ZNF385B: variants seen among roughly 807,000 people sequenced by gnomAD.
ZNF385B encodes zinc finger protein 533.
A neutral mutation model predicts 39.2 loss-of-function variants in ZNF385B; 23 were observed. The observed-to-expected ratio is 0.59, with a 90% confidence interval of 0.42 to 0.83. ZNF385B has a LOEUF of 0.83. Among genes scored for constraint, ZNF385B ranks in the 40% least tolerant of loss-of-function variants. ZNF385B has a pLI of 0.00. For missense variants in ZNF385B, 552 were observed against 598.9 expected (o/e 0.92, Z 0.82); for synonymous variants, 205 against 222.6 (o/e 0.92, Z 0.70).
chr2:179,801,641 T>C (rs1314975021), intron 1 of ZNF385B, among the ~76,000 whole-genome samples: 3 of 152,166 alleles, frequency 2.0e-5, no homozygotes, highest in Non-Finnish European at 4.4e-5. Context: ...CTCTAGGGCT[T>C]ATCACGGCCC....
At chr2:179,745,918 C>T (rs757983322) in intron 3 of ZNF385B, 4 of 1,244,978 alleles carry the variant, frequency 3.2e-6, no homozygotes, top group Non-Finnish European at 4.0e-6. Flanking sequence ...TATTGCACTG[C>T]TCATTGAAAA....
chr2:179,459,943 A>C (rs1030060085), intron 6 of ZNF385B, among the ~76,000 whole-genome samples: 1 of 151,830 alleles, frequency 6.6e-6, no homozygotes, highest in African/African-American at 2.4e-5. Context: ...GTCTCTACTA[A>C]AAATACAAAA....
chr2:179,612,488 G>A (rs910389775), intron 3 of ZNF385B, among the ~76,000 whole-genome samples: 1 of 151,986 alleles, frequency 6.6e-6, no homozygotes, highest in Non-Finnish European at 1.5e-5. Context: ...GACTTGTAGG[G>A]GCACTGTCTT....
At chr2:179,681,702 T>A (rs1169966183) in intron 3 of ZNF385B, among the ~76,000 whole-genome samples, 2 of 152,108 alleles carry the variant, frequency 1.3e-5, no homozygotes, top group Non-Finnish European at 2.9e-5. Flanking sequence ...TTAGAAAAAA[T>A]AATTCAGAGT....
At chr2:179,663,212 G>C (rs1269913414) in intron 3 of ZNF385B, among the ~76,000 whole-genome samples, 1 of 152,108 alleles carries the variant, frequency 6.6e-6, no homozygotes, top group Non-Finnish European at 1.5e-5. Flanking sequence ...TGACCAATTA[G>C]CTACACACAA....
intron 1 of ZNF385B, among the ~76,000 whole-genome samples, chr2:179,779,516 C>G (rs779729132): frequency 1.3e-5 from 2 of 152,186 alleles, no homozygotes; most frequent in African/African-American, 2.4e-5. Context: ...TGAAAAAAAT[C>G]ACAACTGGAT....
chr2:179,607,687 C>T (rs918546874), intron 3 of ZNF385B, among the ~76,000 whole-genome samples: 7 of 152,138 alleles, frequency 4.6e-5, no homozygotes, highest in Admixed American at 3.3e-4. Flanking sequence ...TCAGGGAGTA[C>T]TCATGAATGT....
chr2:179,568,003 G>A (rs971804683), intron 3 of ZNF385B, among the ~76,000 whole-genome samples: 1 of 152,132 alleles, frequency 6.6e-6, no homozygotes, highest in Non-Finnish European at 1.5e-5. Flanking sequence ...CACTCCAGTG[G>A]AACAGTTTCC....
chr2:179,678,519 C>A (rs1289865262), intron 3 of ZNF385B, among the ~76,000 whole-genome samples: 1 of 152,162 alleles, frequency 6.6e-6, no homozygotes, highest in South Asian at 2.1e-4. Flanking sequence ...ATACAGGACA[C>A]TGAGGTGAAA....
intron 5 of ZNF385B, among the ~76,000 whole-genome samples, chr2:179,492,499 C>A (rs2055346951): frequency 6.6e-6 from 1 of 152,008 alleles, no homozygotes; most frequent in Non-Finnish European, 1.5e-5. Flanking sequence ...ATAAATAATA[C>A]AAAATAAATC....
intron 3 of ZNF385B, among the ~76,000 whole-genome samples, chr2:179,579,341 A>G (rs1400366342): frequency 6.6e-6 from 1 of 152,036 alleles, no homozygotes. Flanking sequence ...AAAAACTAAG[A>G]ATACCAAACT....
chr2:179,552,534 C>T (rs1170942714), intron 3 of ZNF385B, among the ~76,000 whole-genome samples: 2 of 149,388 alleles, frequency 1.3e-5, no homozygotes, highest in Non-Finnish European at 3.0e-5. Context: ...AAATGAGTGG[C>T]ATTTCAGATT....
chr2:179,479,545 G>A (rs1166420169), intron 6 of ZNF385B, among the ~76,000 whole-genome samples: 1 of 152,102 alleles, frequency 6.6e-6, no homozygotes, highest in Non-Finnish European at 1.5e-5. Context: ...TCGAGGAGCA[G>A]AAAGAGTTCA....
intron 3 of ZNF385B, among the ~76,000 whole-genome samples, chr2:179,650,511 A>G (rs572348827): frequency 6.6e-6 from 1 of 152,354 alleles, no homozygotes; most frequent in South Asian, 2.1e-4. Flanking sequence ...AGTAAAAGAT[A>G]CTATGAAATG....
At chr2:179,481,458 A>G (rs2105585455) in intron 6 of ZNF385B, among the ~76,000 whole-genome samples, 1 of 151,612 alleles carries the variant, frequency 6.6e-6, no homozygotes, top group African/African-American at 2.4e-5. Context: ...TTTTTAAAAA[A>G]TGGATTCTTC....
chr2:179,490,865 G>A (rs989474819), intron 5 of ZNF385B, among the ~76,000 whole-genome samples: 10 of 152,138 alleles, frequency 6.6e-5, no homozygotes, highest in Admixed American at 5.2e-4. Flanking sequence ...AAGCTTGGCT[G>A]TATCAACTGT....
At chr2:179,679,534 G>A (rs569353068) in intron 3 of ZNF385B, among the ~76,000 whole-genome samples, 5 of 152,272 alleles carry the variant, frequency 3.3e-5, no homozygotes, top group Admixed American at 1.3e-4. Context: ...AATGGTAATG[G>A]TAATCATTCT....
intron 3 of ZNF385B, among the ~76,000 whole-genome samples, chr2:179,691,556 T>C (rs1575245200): frequency 6.6e-6 from 1 of 152,182 alleles, no homozygotes; most frequent in Non-Finnish European, 1.5e-5. Context: ...CTGATGAAAG[T>C]TGTATCCTAA....
At chr2:179,539,897 G>C (rs1053040692) in intron 4 of ZNF385B, among the ~76,000 whole-genome samples, 1 of 151,964 alleles carries the variant, frequency 6.6e-6, no homozygotes, top group Non-Finnish European at 1.5e-5. Context: ...TTCCTTATAA[G>C]TTTATTGGGC....
Sources: allele counts gnomAD v4.1 joint callset (sites outside exome capture counted in the v4.1 genomes callset), GRCh38; gene constraint gnomAD v4.1.1; transcripts MANE v1.5; gene names NCBI Gene and HGNC (gene_info 2026-07-23, HGNC 2026-07-21).